The following FOXN3 variants were observed in gnomAD, a reference collection of about 807,000 sequenced individuals.
FOXN3 encodes the protein forkhead box N3, also known as forkhead box protein N3.
In FOXN3, 7 loss-of-function variants were observed where a neutral mutation model predicts 38.4. The ratio of observed to expected loss-of-function variants is 0.18; its 90% CI spans 0.10 to 0.34. The LOEUF is 0.34. Among genes scored for constraint, FOXN3 ranks in the 10% least tolerant of loss-of-function variants. The probability of loss-of-function intolerance (pLI) is 1.00; values close to 1 mark genes in which losing one functional copy is unlikely to be tolerated. For missense variants in FOXN3, 456 were observed against 613.4 expected (o/e 0.74, Z 2.71); for synonymous variants, 230 against 242.2 (o/e 0.95, Z 0.47).
intron 1 of FOXN3, among the ~76,000 whole-genome samples, chr14:89,571,932 G>A (rs1379526023): frequency 6.6e-6 from 1 of 152,164 alleles, no homozygotes; most frequent in Admixed American, 6.5e-5. Context: ...AACAACCTTA[G>A]GAGTCTTATG....
chr14:89,579,014 A>AT (rs1326216248), intron 1 of FOXN3, among the ~76,000 whole-genome samples: 1 of 152,018 alleles, frequency 6.6e-6, no homozygotes, highest in African/African-American at 2.4e-5. Flanking sequence ...CACCTGTTGA[A>AT]TTTTTTAAAT....
chr14:89,163,410 T>C lies in FOXN3; in HGVS notation c.852-441A>G, dbSNP rs967306576. Among the ~76,000 whole-genome samples the C allele has an allele frequency of 2.0e-5, 3 of 152,184 alleles. No individual in the cohort carries two copies. Among genetic ancestry groups the C allele is most frequent in the African/African-American group, 7.2e-5 (3 of 41,438 alleles). Reference sequence around the variant, plus strand: ...AAGCGGCTACATTAGGAGGCTTTTGTCAGAAGACTAAACCAGTGTTCAGCA... The same window carrying C: ...AAGCGGCTACATTAGGAGGCTTTTGCCAGAAGACTAAACCAGTGTTCAGCA... On this transcript the variant is annotated intron_variant, in intron 5 of 5. Coordinates refer to ENST00000557258, the MANE Select transcript of FOXN3 (RefSeq NM_005197.4). This position sits in a 1 kb window ranked among gnomAD's most constrained non-coding sequence, Gnocchi z 4.3.
intron 4 of FOXN3, among the ~76,000 whole-genome samples, chr14:89,206,785 A>T (rs1046277791): frequency 1.1e-4 from 16 of 152,240 alleles, no homozygotes; most frequent in African/African-American, 3.6e-4. Context: ...GTTTTCTCTC[A>T]TCCTTTCAAC....
chr14:89,399,782 C>T (rs777988491), intron 2 of FOXN3, among the ~76,000 whole-genome samples: 2 of 152,310 alleles, frequency 1.3e-5, no homozygotes, highest in South Asian at 2.1e-4. Flanking sequence ...TACATTACAG[C>T]GCCCTACAGG....
At position 89,321,958 on chromosome 14, in the gene FOXN3, C is replaced by G. The variant is rs143361272; in HGVS notation, c.680+28714G>C. Among the ~76,000 whole-genome samples, 263 of 152,306 alleles carry G rather than the reference C, an allele frequency of 1.7e-3. 1 individual carries two copies. The highest frequency in any genetic ancestry group is 6.0e-3 in the African/African-American group (248 of 41,564). On this transcript the variant is annotated intron_variant, in intron 3 of 5. Coordinates refer to ENST00000557258, the MANE Select transcript of FOXN3 (RefSeq NM_005197.4). ...GAAAACCGGTAAATTATTTCCTGAA[C>G]AAAAGCAAGAATCTTTTAGGTCCTA... is the stretch of plus-strand genomic sequence containing the variant.
At chr14:89,475,284 G>A (rs1893188426) in intron 1 of FOXN3, among the ~76,000 whole-genome samples, 1 of 152,200 alleles carries the variant, frequency 6.6e-6, no homozygotes, top group African/African-American at 2.4e-5. Context: ...TAATGTTGCA[G>A]TTACATTCAT....
intron 5 of FOXN3, among the ~76,000 whole-genome samples, chr14:89,177,569 C>T (rs1887556173): frequency 6.6e-6 from 1 of 152,082 alleles, no homozygotes; most frequent in Non-Finnish European, 1.5e-5. Flanking sequence ...GGGGCTGGGG[C>T]TGGACTTTAC....
At position 89,180,638 on chromosome 14, in the gene FOXN3, G is replaced by A. The variant is rs116235138; in HGVS notation, c.851+63C>T. The A allele has an allele frequency of 1.7e-3, 2,110 of 1,232,714 alleles. 27 individuals are homozygous for A. The African/African-American group carries it at 0.027, about 16-fold the overall frequency. The allele number at this position is 1,232,714 out of a possible 1,614,324, so 76.4% of individuals were successfully genotyped here. A position where few individuals can be genotyped will look rare whatever the true frequency, so the allele number is the denominator to read the frequency against. ...CCTCTCTGTCTCCAGAAGGGACCCC[G>A]TGGACAGAAAGCTGCCCTTCCCACT... On this transcript the variant is annotated intron_variant, in intron 5 of 5. Coordinates refer to ENST00000557258, the MANE Select transcript of FOXN3 (RefSeq NM_005197.4).
At chr14:89,372,173 C>G (rs1322048193) in intron 2 of FOXN3, among the ~76,000 whole-genome samples, 1 of 151,976 alleles carries the variant, frequency 6.6e-6, no homozygotes, top group East Asian at 1.9e-4. Context: ...TGCAATTTCC[C>G]CAAGTCATAA....
At chr14:89,203,692 G>A (rs1888293514) in intron 4 of FOXN3, among the ~76,000 whole-genome samples, 1 of 152,190 alleles carries the variant, frequency 6.6e-6, no homozygotes, top group Admixed American at 6.5e-5. Context: ...GCTGGGGCTG[G>A]ACAAGGTGGA....
At chr14:89,440,078 C>T (rs544791976) in intron 1 of FOXN3, among the ~76,000 whole-genome samples, 41 of 152,276 alleles carry the variant, frequency 2.7e-4, no homozygotes, top group African/African-American at 8.9e-4. Flanking sequence ...TGTAACGGTG[C>T]TATTATCCCC....
chr14:89,486,292 G>A (rs1353409264), intron 1 of FOXN3, among the ~76,000 whole-genome samples: 1 of 152,154 alleles, frequency 6.6e-6, no homozygotes, highest in East Asian at 1.9e-4. Context: ...GCAATGTTCT[G>A]GTGGCTTTGT....
intron 3 of FOXN3, among the ~76,000 whole-genome samples, chr14:89,303,200 T>C (rs951020615): frequency 6.6e-6 from 1 of 152,158 alleles, no homozygotes; most frequent in Non-Finnish European, 1.5e-5. Flanking sequence ...CAGAGCGCCT[T>C]TGACCTCTGT....
At chr14:89,562,260 T>G (rs1436464728) in intron 1 of FOXN3, among the ~76,000 whole-genome samples, 1 of 152,130 alleles carries the variant, frequency 6.6e-6, no homozygotes, top group Non-Finnish European at 1.5e-5. Context: ...ACTTTTTTGT[T>G]ATTGTTGTTT....
intron 1 of FOXN3, among the ~76,000 whole-genome samples, chr14:89,442,222 G>A (rs774749951): frequency 2.6e-5 from 4 of 152,078 alleles, no homozygotes; most frequent in East Asian, 1.9e-4. Flanking sequence ...CACCGCGCCC[G>A]GGTGAAACTG....
chr14:89,516,132 T>A (rs1894195892), intron 1 of FOXN3, among the ~76,000 whole-genome samples: 1 of 139,286 alleles, frequency 7.2e-6, no homozygotes, highest in African/African-American at 2.4e-5. Context: ...GTACACAGCA[T>A]TATTGTTTGT....
intron 4 of FOXN3, among the ~76,000 whole-genome samples, chr14:89,280,704 C>T (rs535735267): frequency 6.6e-5 from 10 of 152,152 alleles, no homozygotes; most frequent in East Asian, 1.9e-4. Flanking sequence ...ACAGTGACGG[C>T]GGGCCAAAGA....
chr14:89,366,265 A>AG (rs1332793032), intron 2 of FOXN3, among the ~76,000 whole-genome samples: 1 of 151,722 alleles, frequency 6.6e-6, no homozygotes, highest in Non-Finnish European at 1.5e-5. Flanking sequence ...AAAAAGAAAA[A>AG]AAAAAAAACT....
chr14:89,460,411 C>T (rs765042063), intron 1 of FOXN3, among the ~76,000 whole-genome samples: 26 of 152,100 alleles, frequency 1.7e-4, no homozygotes, highest in African/African-American at 2.7e-4. Flanking sequence ...TAGTTTCTTC[C>T]GGCATAACAA....
Sources: gnomAD v4.1 joint callset for allele counts (sites outside exome capture counted in the v4.1 genomes callset) on GRCh38, gnomAD v4.1.1 for gene constraint, Gnocchi (gnomAD v3.1) non-coding constraint, MANE v1.5 for transcripts, NCBI Gene and HGNC (gene_info 2026-07-23, HGNC 2026-07-21) for gene names.